ARSG: variants seen among roughly 807,000 people sequenced by gnomAD.
The protein encoded by ARSG is arylsulfatase G.
Under a neutral mutation model 50.5 loss-of-function variants are expected in ARSG, and 37 were observed. That is an observed-to-expected ratio of 0.73 (90% CI 0.56 to 0.96). The LOEUF (loss-of-function observed/expected upper bound fraction) is 0.96, where lower values mean the gene tolerates loss of function less well. Among genes scored for constraint, ARSG ranks in the 50% least tolerant of loss-of-function variants. ARSG has a pLI of 0.00. For synonymous variants in ARSG, 225 were observed against 254.6 expected (o/e 0.88, Z 1.11); for missense variants, 629 against 675.3 (o/e 0.93, Z 0.76).
the ARSG span, chr17:68,428,314 A>G: frequency 6.5e-6 from 1 of 154,658 alleles, no homozygotes; most frequent in Admixed American, 6.4e-5. Context: ...CACTGCCTCA[A>G]CCTCTCCAGG....
At chr17:68,314,972 C>G (rs905144656) in intron 2 of ARSG, among the ~76,000 whole-genome samples, 2 of 152,220 alleles carry the variant, frequency 1.3e-5, no homozygotes, top group African/African-American at 4.8e-5. Context: ...TGAATCAACA[C>G]AACAGCTGCA....
chr17:68,314,292 C>T (rs1375117936), intron 2 of ARSG, among the ~76,000 whole-genome samples: 1 of 151,754 alleles, frequency 6.6e-6, no homozygotes, highest in Non-Finnish European at 1.5e-5. Flanking sequence ...TTTGGGAGGC[C>T]GAGGCAGATG....
intron 2 of ARSG, among the ~76,000 whole-genome samples, chr17:68,335,411 G>A (rs543358535): frequency 9.9e-5 from 15 of 152,080 alleles, no homozygotes; most frequent in South Asian, 4.2e-4. Context: ...AAAATTAGCC[G>A]GGCGTAGTGG....
chr17:68,415,031 G>T (rs1162123261), intron 11 of ARSG, among the ~76,000 whole-genome samples: 3 of 151,852 alleles, frequency 2.0e-5, no homozygotes, highest in Non-Finnish European at 2.9e-5. Context: ...ATTTCATTTA[G>T]TTCTGCTCTG....
chr17:68,395,394 C>T (rs2081196898), intron 10 of ARSG, among the ~76,000 whole-genome samples: 1 of 152,206 alleles, frequency 6.6e-6, no homozygotes, highest in Non-Finnish European at 1.5e-5. Flanking sequence ...TCGAGACCAG[C>T]CTGACCAAGA....
At chr17:68,436,524 G>A in the ARSG span, 1 of 1,573,646 alleles carries the variant, frequency 6.4e-7, no homozygotes, top group South Asian at 1.1e-5. Context: ...GGCCAAGGGA[G>A]AGATTGCACG....
At chr17:68,398,216 A>G (rs1469138840) in intron 10 of ARSG, among the ~76,000 whole-genome samples, 7 of 152,236 alleles carry the variant, frequency 4.6e-5, no homozygotes, top group African/African-American at 1.7e-4. Context: ...ATAAACATAC[A>G]TATGCATGCT....
chr17:68,313,186 G>A (rs201927783), intron 2 of ARSG, among the ~76,000 whole-genome samples: 2 of 152,066 alleles, frequency 1.3e-5, no homozygotes, highest in African/African-American at 2.4e-5. Context: ...GCGTGAACCC[G>A]GGAGGCAGAG....
chr17:68,337,693 C>T lies in ARSG; in HGVS notation c.219-5911C>T, dbSNP rs540227846. Among the ~76,000 whole-genome samples, 4 of 152,234 alleles carry T rather than the reference C, an allele frequency of 2.6e-5. No individual in the cohort carries two copies. The East Asian group carries it at 7.7e-4, about 29-fold the overall frequency. ...AGGGCAATGGCACGGTCTCAGCTCA[C>T]CGCGACCTCTGTCCCCTGGATTCCA... On this transcript the variant is annotated intron_variant, in intron 2 of 11. Transcript: ENST00000621439.
intron 1 of ARSG, chr17:68,283,093 C>T (rs1454962367): frequency 5.3e-5 from 8 of 152,090 alleles, no homozygotes; most frequent in African/African-American, 1.7e-4. Context: ...CACTACTGCA[C>T]TCTTGCCTGA....
intron 11 of ARSG, among the ~76,000 whole-genome samples, chr17:68,407,335 C>G (rs1324012836): frequency 2.0e-5 from 3 of 152,158 alleles, no homozygotes; most frequent in African/African-American, 7.2e-5. Flanking sequence ...TTTGCTTAGT[C>G]TTGCTTTGGC....
chr17:68,278,216 T>C (rs150301705), intron 1 of ARSG: 557 of 1,614,044 alleles, frequency 3.5e-4, no homozygotes, highest in Non-Finnish European at 4.2e-4. Flanking sequence ...AGGTGAAGAC[T>C]TCAACGAAGA....
chr17:68,320,289 T>TA (rs1406336852), intron 2 of ARSG, among the ~76,000 whole-genome samples: 1,782 of 125,070 alleles, frequency 0.014, 31 homozygotes, highest in African/African-American at 0.037. Context: ...GACTCCGTCT[T>TA]AAAAAAAAAA....
At chr17:68,426,251 G>C, downstream of ARSG, 1 of 825,458 alleles carries the variant, frequency 1.2e-6, no homozygotes, top group Non-Finnish European at 1.9e-6. Flanking sequence ...GTGGGGAGCG[G>C]GGGCTCAAAT....
downstream of ARSG, among the ~76,000 whole-genome samples, chr17:68,424,820 C>T (rs548484021): frequency 6.6e-5 from 10 of 152,052 alleles, no homozygotes; most frequent in South Asian, 2.1e-4. Context: ...GAGGCTGCAG[C>T]GAGCCGAGAT....
intron 10 of ARSG, among the ~76,000 whole-genome samples, chr17:68,398,647 C>T (rs1001694011): frequency 1.3e-5 from 2 of 152,212 alleles, no homozygotes; most frequent in Non-Finnish European, 1.5e-5. Context: ...GCAATCCAGT[C>T]CTTCCCTATT....
intron 11 of ARSG, among the ~76,000 whole-genome samples, chr17:68,408,789 G>A (rs1266361252): frequency 2.5e-4 from 38 of 151,578 alleles, no homozygotes; most frequent in African/African-American, 8.9e-4. Flanking sequence ...AGCACTTGTT[G>A]TTTCCTGACT....
At chr17:68,433,697 C>G in the ARSG span, 1 of 580,832 alleles carries the variant, frequency 1.7e-6, no homozygotes, top group African/African-American at 1.9e-5. Context: ...AGACCCAGAT[C>G]CCTTAAACAC....
intron 2 of ARSG, among the ~76,000 whole-genome samples, chr17:68,310,240 G>A (rs1268830800): frequency 9.9e-5 from 15 of 152,240 alleles, no homozygotes; most frequent in African/African-American, 3.4e-4. Context: ...GATTACAAGC[G>A]TGAGCCACCA....
Sources: allele counts gnomAD v4.1 joint callset (sites outside exome capture counted in the v4.1 genomes callset), GRCh38; gene constraint gnomAD v4.1.1; transcripts MANE v1.5; gene names NCBI Gene and HGNC (gene_info 2026-07-23, HGNC 2026-07-21).